NLRP12: variants seen among roughly 807,000 people sequenced by gnomAD.
The protein encoded by NLRP12 is NACHT, LRR and PYD domains-containing protein 12.
A neutral mutation model predicts 91.2 loss-of-function variants in NLRP12; 108 were observed. The ratio of observed to expected loss-of-function variants is 1.18; its 90% confidence interval spans 1.01 to 1.39. NLRP12 has a LOEUF of 1.39. Among genes scored for constraint, NLRP12 ranks in the 40% most tolerant of loss-of-function variants. The pLI is 0.00. For missense variants in NLRP12, 1,530 were observed against 1,352.7 expected (o/e 1.13, Z -2.06); for synonymous variants, 613 against 566.7 (o/e 1.08, Z -1.16).
In NLRP12 at chr19:53,801,343, G is replaced by A. The variant is rs2091867236; in HGVS notation, c.2640C>T (p.Leu880=). Residue 880 remains leucine, a synonymous_variant, in exon 7 of 10, where the codon CTC becomes CTT. Transcript: ENST00000324134. The part of the protein sequence containing the change: ...AAACDELAST[L]SVNQSLRELD... ...GCTCTCTCAGGCTCTGGTTCACACT[G>A]AGAGTTGAGGCCAGCTCGTCACAGG... The A allele has an allele frequency of 6.2e-7, 1 of 1,613,848 alleles. No homozygotes were observed. The highest frequency in any genetic ancestry group is 1.3e-5 in the African/African-American group (1 of 74,878).
chr19:53,793,714 A>C, downstream of NLRP12: 1 of 336,904 alleles, frequency 3.0e-6, no homozygotes. Flanking sequence ...CCTCCTGAGT[A>C]GCTGGGACTA....
In NLRP12 at chr19:53,804,097, C is replaced by T. The variant is rs149903344; in HGVS notation, c.2440G>A (p.Gly814Arg). 37 of 1,613,872 alleles carry T rather than the reference C, an allele frequency of 2.3e-5. No homozygotes were observed. The highest frequency in any genetic ancestry group is 1.6e-4 in the Middle Eastern group (1 of 6,084). ...ACAGAAGCCATCTCCTGACAAGCCC[C>T]GGACTCCAGCTGACACTTCCTCAAC... ...IQLRKCQLES[G>R]ACQEMASVLG... is the part of the protein sequence containing the mutation. The change falls in exon 6 of 10, where the codon GGG (glycine) becomes AGG (arginine). Residue 814 changes from glycine (G) to arginine (R), a missense_variant. By Grantham distance (125) the Gly-to-Arg change is moderately radical. Coordinates refer to ENST00000324134, the MANE Select transcript of NLRP12 (RefSeq NM_144687.4).
At chr19:53,807,954 T>G in intron 3 of NLRP12, 1 of 397,520 alleles carries the variant, frequency 2.5e-6, no homozygotes, top group South Asian at 1.9e-5. Flanking sequence ...TTCACCGTGT[T>G]GGCCAGGCTG....
chr19:53,805,931 G>T (rs2091951727), intron 4 of NLRP12: 3 of 203,660 alleles, frequency 1.5e-5, no homozygotes, highest in Admixed American at 1.1e-4. Flanking sequence ...ATTCACAAAG[G>T]TTGCCCTTAA....
In NLRP12 at chr19:53,824,047, A is replaced by T. The variant is rs1468866743; in HGVS notation, c.128T>A (p.Ile43Asn). 1 of 1,613,982 alleles carries T rather than the reference A, an allele frequency of 6.2e-7. No individual in the cohort carries two copies. Among genetic ancestry groups the T allele is most frequent in the Non-Finnish European group, 8.5e-7 (1 of 1,180,018 alleles). The change falls in exon 1 of 10, where the codon ATC becomes AAC. Residue 43 changes from isoleucine (I) to asparagine (N), a missense_variant. Transcript: ENST00000324134. ...GTATELGEGK[I>N]PWGSMEKAGP... ...GGCCTTCTCCATGCTTCCCCAGGGGATCTTGCCTTCTCCCAGCTCTGTCGC... is the reference window on the plus strand; with the variant it reads ...GGCCTTCTCCATGCTTCCCCAGGGGTTCTTGCCTTCTCCCAGCTCTGTCGC...
rs777145988 is a variant in NLRP12 at position 53,811,284 on chromosome 19, G to A, written c.375C>T (p.Pro125=). The change falls in exon 3 of 10, where the codon CCC becomes CCT. Residue 125 remains proline (P), a synonymous_variant. Coordinates refer to ENST00000324134, the MANE Select transcript of NLRP12 (RefSeq NM_144687.4). The stretch of plus-strand genomic sequence containing the variant: ...GGACATAGTCCCTGTAGGTTTCCTG[G>A]GGATCTAGGGGAGAGGAATGAAGGT... ...EVSLVTPRKD[P]QETYRDYVRR... The A allele has an allele frequency of 1.2e-5, 20 of 1,613,720 alleles. No individual in the cohort carries two copies. Among genetic ancestry groups the A allele is most frequent in the Middle Eastern group, 3.3e-4 (2 of 6,062 alleles).
chr19:53,819,379 G>A lies in NLRP12; in HGVS notation c.290-4391C>T, dbSNP rs532767863. Among the ~76,000 whole-genome samples, 8 of 129,888 alleles carry A rather than the reference G, an allele frequency of 6.2e-5. No homozygotes were observed. The East Asian group carries it at 1.9e-3, about 31-fold the overall frequency. 85.2% of individuals were successfully genotyped at this position (129,888 alleles called of 152,430 possible). A position where few individuals can be genotyped will look rare whatever the true frequency, so the allele number is the denominator to read the frequency against. On this transcript the variant is annotated intron_variant, in intron 1 of 9. Coordinates refer to ENST00000324134, the MANE Select transcript of NLRP12 (RefSeq NM_144687.4). Reference sequence around the variant, plus strand: ...CCTGCCTCAGCCTCCCAAGTAGCTGGGATTACAGGCGTGTGCCACTACGCC... The same window carrying A: ...CCTGCCTCAGCCTCCCAAGTAGCTGAGATTACAGGCGTGTGCCACTACGCC...
chr19:53,799,346 G>A (rs1350544549), intron 7 of NLRP12, among the ~76,000 whole-genome samples: 1 of 151,750 alleles, frequency 6.6e-6, no homozygotes, highest in Non-Finnish European at 1.5e-5. Context: ...TTTTGCTGGT[G>A]CCTTGATAAA....
At chr19:53,819,596 T>TATAC (rs1463547451) in intron 1 of NLRP12, among the ~76,000 whole-genome samples, 1 of 52,364 alleles carries the variant, frequency 1.9e-5, no homozygotes, top group African/African-American at 5.7e-5. Flanking sequence ...TATACGTATA[T>TATAC]ACGCATATAT....
intron 1 of NLRP12, 45 bp downstream of exon 1, chr19:53,823,841 G>A: frequency 6.2e-7 from 1 of 1,609,202 alleles, no homozygotes; most frequent in Non-Finnish European, 8.5e-7. Flanking sequence ...TGAGTCACTG[G>A]ACCCGGCTGG....
In NLRP12 at chr19:53,824,091, G is replaced by A. The variant is rs143182167; in HGVS notation, c.84C>T (p.Phe28=). ...CTGTCGCGGTCCCCAGGTATAACTT[G>A]AACTTCTTCAGTTCCACAGCCTCGA... ...EELEAVELKK[F]KLYLGTATEL... is the part of the protein sequence containing the mutation. Residue 28 remains phenylalanine (F), a synonymous_variant, in exon 1 of 10, where the codon TTC becomes TTT. Transcript: ENST00000324134. The A allele has an allele frequency of 6.2e-7, 1 of 1,614,042 alleles. No homozygotes were observed. Among genetic ancestry groups the A allele is most frequent in the East Asian group, 2.2e-5 (1 of 44,864 alleles).
rs144936138 is a variant in NLRP12, at chr19:53,823,939, C to T, written c.236G>A (p.Arg79Gln). 81 of 1,613,942 alleles carry T rather than the reference C, an allele frequency of 5.0e-5. No homozygotes were observed. The East Asian group carries it at 5.6e-4, about 11-fold the overall frequency. The change falls in exon 1 of 10, where the codon CGG becomes CAG. Residue 79 changes from arginine to glutamine, a missense_variant. Coordinates refer to ENST00000324134, the MANE Select transcript of NLRP12 (RefSeq NM_144687.4). ...CTCCCACAGGTCCTTCCTGTTTATC[C>T]GCTCAAAGGTGCTGAGAGCCAACCT... ...AWRLALSTFE[R>Q]INRKDLWERG...
At chr19:53,800,714 C>T (rs1310204710) in intron 7 of NLRP12, among the ~76,000 whole-genome samples, 1 of 151,978 alleles carries the variant, frequency 6.6e-6, no homozygotes, top group Non-Finnish European at 1.5e-5. Context: ...TCGCGAGTAG[C>T]TGGCATTATA....
chr19:53,806,202 C>G (rs1343744701), intron 4 of NLRP12, among the ~76,000 whole-genome samples: 1 of 151,750 alleles, frequency 6.6e-6, no homozygotes, highest in Non-Finnish European at 1.5e-5. Context: ...TCACTGCACT[C>G]CAGCCCAGGC....
At chr19:53,797,740 A>T (rs2091792573) in intron 8 of NLRP12, among the ~76,000 whole-genome samples, 1 of 142,468 alleles carries the variant, frequency 7.0e-6, no homozygotes, top group Non-Finnish European at 1.5e-5. Context: ...TTTAAATTTT[A>T]ATTTTTTTTT....
At chr19:53,802,920 T>C (rs888213618) in intron 6 of NLRP12, among the ~76,000 whole-genome samples, 1 of 152,036 alleles carries the variant, frequency 6.6e-6, no homozygotes, top group Non-Finnish European at 1.5e-5. Context: ...CAGCTAATTA[T>C]GTTTATTTTT....
chr19:53,804,830 C>T (rs895510258), intron 5 of NLRP12, among the ~76,000 whole-genome samples: 1 of 151,704 alleles, frequency 6.6e-6, no homozygotes, highest in Non-Finnish European at 1.5e-5. Context: ...GAGTTCAAGA[C>T]CAGCCTGGCC....
At chr19:53,800,580 C>CG (rs199562286) in intron 7 of NLRP12, among the ~76,000 whole-genome samples, 17,393 of 133,840 alleles carry the variant, frequency 0.13, 1,031 homozygotes, top group Middle Eastern at 0.21. Context: ...CGTCAGAAAA[C>CG]CCCCCCCTTT....
rs1438042635 is a variant in NLRP12, at chr19:53,811,248, G to T, written c.411C>A (p.Phe137Leu). 1.9e-6 allele frequency: 3 copies of T among 1,613,904 alleles called. No homozygotes were observed. In the African/African-American group the frequency reaches 4.0e-5, roughly 22 times the overall value. Reference protein sequence around the residue: ...ETYRDYVRRKFRLMEDRNARL... With the variant: ...ETYRDYVRRKLRLMEDRNARL... Reference sequence around the variant, plus strand: ...GCGCATTGCGGTCTTCCATGAGCCGGAATTTCCTGCGGACATAGTCCCTGT... The same window carrying T: ...GCGCATTGCGGTCTTCCATGAGCCGTAATTTCCTGCGGACATAGTCCCTGT... Residue 137 changes from phenylalanine (F) to leucine (L), a missense_variant, in exon 3 of 10, where the codon TTC (phenylalanine) becomes TTA (leucine). Physicochemically the swap from Phe to Leu is conservative, Grantham distance 22. Coordinates refer to ENST00000324134, the MANE Select transcript of NLRP12 (RefSeq NM_144687.4).
Sources: gnomAD v4.1 joint callset for allele counts (sites outside exome capture counted in the v4.1 genomes callset) on GRCh38, gnomAD v4.1.1 for gene constraint, MANE v1.5 for transcripts, NCBI Gene and HGNC (gene_info 2026-07-23, HGNC 2026-07-21) for gene names.